STX17: variants seen among roughly 807,000 people sequenced by gnomAD.
The protein encoded by STX17 is syntaxin-17.
In STX17, 29 loss-of-function variants were observed where a neutral mutation model predicts 35.9. The observed-to-expected ratio is 0.81, with a 90% CI of 0.60 to 1.10. The LOEUF is 1.10. Ranked by LOEUF, STX17 falls within the 50% of genes least tolerant of loss-of-function variation. The pLI, the probability that STX17 is intolerant of heterozygous loss-of-function variation, is 0.00. For missense variants in STX17, 312 were observed against 352.3 expected (o/e 0.89, Z 0.92); for synonymous variants, 92 against 118.3 (o/e 0.78, Z 1.44).
In STX17 at chr9:99,970,162, G is replaced by A. The variant is rs1344713025; in HGVS notation, c.*1489G>A. 6.6e-6 allele frequency: 1 copy of A among 152,164 alleles called. No individual in the cohort carries two copies. The highest frequency in any genetic ancestry group is 1.5e-5 in the Non-Finnish European group (1 of 68,030). 9.4% of individuals were successfully genotyped at this position (152,164 alleles called of 1,614,324 possible). Reference sequence around the variant, plus strand: ...TCTGCCAGGAGCTAAGGTTCATTAGGGGATTGGATGGTTTATCACTTCTTT... The same window carrying A: ...TCTGCCAGGAGCTAAGGTTCATTAGAGGATTGGATGGTTTATCACTTCTTT... On this transcript the variant is annotated 3_prime_UTR_variant, in exon 8 of 8. Coordinates refer to ENST00000259400, the MANE Select transcript of STX17 (RefSeq NM_017919.3).
intron 1 of STX17, among the ~76,000 whole-genome samples, chr9:99,910,278 A>G (rs1315613729): frequency 1.3e-5 from 2 of 152,140 alleles, no homozygotes; most frequent in African/African-American, 2.4e-5. Context: ...AATGGCTGAT[A>G]AATCCACCCT....
chr9:99,946,514 A>G (rs1829485800), intron 3 of STX17, among the ~76,000 whole-genome samples: 1 of 152,162 alleles, frequency 6.6e-6, no homozygotes, highest in African/African-American at 2.4e-5. Flanking sequence ...CATTAGTATT[A>G]TTGTTTTAGT....
At chr9:99,909,952 G>T (rs1030825262) in intron 1 of STX17, among the ~76,000 whole-genome samples, 1 of 152,138 alleles carries the variant, frequency 6.6e-6, no homozygotes, top group African/African-American at 2.4e-5. Context: ...AAGAAATGCA[G>T]CTGGGCATGG....
At chr9:99,917,877 A>G (rs1004864303) in intron 2 of STX17, among the ~76,000 whole-genome samples, 1 of 152,202 alleles carries the variant, frequency 6.6e-6, no homozygotes, top group Non-Finnish European at 1.5e-5. Flanking sequence ...TAAATAAGAT[A>G]GAGGTTTTTG....
In STX17 at chr9:99,974,070, A is replaced by G. The variant is rs1377986417; in HGVS notation, c.*5397A>G. Among the ~76,000 whole-genome samples, 8 of 152,180 alleles carry G rather than the reference A, an allele frequency of 5.3e-5. No individual in the cohort carries two copies. Among genetic ancestry groups the G allele is most frequent in the Non-Finnish European group, 1.2e-4 (8 of 68,026 alleles). ...AGCCTAAAACTTGTATCCTGAAGAA[A>G]ATATTTTTTTCCACCAGAAGAAATT... On this transcript the variant is annotated 3_prime_UTR_variant, in exon 8 of 8. Coordinates refer to ENST00000259400, the MANE Select transcript of STX17 (RefSeq NM_017919.3).
chr9:99,959,828 G>T (rs576811375), intron 4 of STX17, 89 bp from the exon 5 acceptor site: 1 of 921,560 alleles, frequency 1.1e-6, no homozygotes, highest in Non-Finnish European at 1.7e-6. Context: ...ACCATTTAAC[G>T]TGGCATTTGT....
intron 3 of STX17, among the ~76,000 whole-genome samples, chr9:99,932,157 G>A (rs1024804782): frequency 2.0e-5 from 3 of 152,202 alleles, no homozygotes; most frequent in Admixed American, 1.3e-4. Context: ...CCCTGTACCT[G>A]GTGTTTCTGA....
At chr9:99,911,990 G>C (rs187041127) in intron 1 of STX17, among the ~76,000 whole-genome samples, 6 of 152,186 alleles carry the variant, frequency 3.9e-5, no homozygotes, top group Admixed American at 1.3e-4. Context: ...ACTTTGGGAG[G>C]CCGAGGCAGG....
intron 1 of STX17, among the ~76,000 whole-genome samples, chr9:99,911,312 C>T (rs1400039633): frequency 3.3e-5 from 5 of 152,138 alleles, no homozygotes; most frequent in Non-Finnish European, 5.9e-5. Context: ...GGATTATAGG[C>T]ATGAGCCATC....
At chr9:99,945,809 C>T (rs1031151292) in intron 3 of STX17, 10 of 344,028 alleles carry the variant, frequency 2.9e-5, no homozygotes, top group South Asian at 4.5e-5. Context: ...CGGCCGGGCG[C>T]GGTGGCTTAC....
At chr9:99,932,749 G>A (rs55947558) in intron 3 of STX17, among the ~76,000 whole-genome samples, 1 of 152,066 alleles carries the variant, frequency 6.6e-6, no homozygotes. Flanking sequence ...GTTAGATGTA[G>A]GTATTTGGTG....
chr9:99,934,477 T>C (rs778676752), intron 3 of STX17, among the ~76,000 whole-genome samples: 1 of 152,192 alleles, frequency 6.6e-6, no homozygotes, highest in Non-Finnish European at 1.5e-5. Context: ...CTGGTGACTT[T>C]TGATGTTGAA....
chr9:99,920,760 A>G (rs911301651), intron 2 of STX17, among the ~76,000 whole-genome samples: 6 of 152,270 alleles, frequency 3.9e-5, no homozygotes, highest in African/African-American at 1.4e-4. Context: ...TTTCACACAT[A>G]TCACTAAATC....
chr9:99,973,782 A>G lies in STX17; in HGVS notation c.*5109A>G, dbSNP rs1830057163. ...TTCATTTTTCTGCTGAAAGATTTTC[A>G]GTGGTTCCCACTGAATACCAAATAA... On this transcript the variant is annotated 3_prime_UTR_variant, in exon 8 of 8. Coordinates refer to ENST00000259400, the MANE Select transcript of STX17 (RefSeq NM_017919.3). 6.6e-6 allele frequency among the ~76,000 whole-genome samples: 1 copy of G among 152,174 alleles called. No homozygotes were observed. Among genetic ancestry groups the G allele is most frequent in the Admixed American group, 6.6e-5 (1 of 15,264 alleles).
chr9:99,951,638 T>C (rs546801267), intron 4 of STX17, among the ~76,000 whole-genome samples: 2 of 152,032 alleles, frequency 1.3e-5, no homozygotes, highest in African/African-American at 2.4e-5. Context: ...TGCTTTTTTT[T>C]CTTAAGCATT....
chr9:99,915,227 A>T lies in STX17; in HGVS notation c.-13A>T. 1 of 1,607,818 alleles carries T rather than the reference A, an allele frequency of 6.2e-7. No individual in the cohort carries two copies. ...CAGCTGTTACCAGGGAGGTCATACA[A>T]CATTTTTTTAGGATGTCTGAAGATG... On this transcript the variant is annotated 5_prime_UTR_variant, in exon 2 of 8. Coordinates refer to ENST00000259400, the MANE Select transcript of STX17 (RefSeq NM_017919.3).
Position 99,973,186 on chromosome 9 carries a change from T to G in STX17, c.*4513T>G, listed in dbSNP as rs1378930372. The stretch of plus-strand genomic sequence containing the variant: ...GCTACTCTCAAATAGAAATGGGAGA[T>G]AAGAAATATATCTGTGCAATATTAA... On this transcript the variant is annotated 3_prime_UTR_variant, in exon 8 of 8. Transcript: ENST00000259400. 6.7e-6 allele frequency among the ~76,000 whole-genome samples: 1 copy of G among 149,188 alleles called. No homozygotes were observed. Among genetic ancestry groups the G allele is most frequent in the African/African-American group, 2.5e-5 (1 of 40,206 alleles).
At chr9:99,945,825 TA>T in intron 3 of STX17, 1 of 304,492 alleles carries the variant, frequency 3.3e-6, no homozygotes, top group Non-Finnish European at 6.5e-6. Context: ...CTTACGCCTG[TA>T]ATCCCAGCAC....
chr9:99,923,687 C>T (rs1436158304), intron 2 of STX17, among the ~76,000 whole-genome samples: 1 of 152,176 alleles, frequency 6.6e-6, no homozygotes, highest in Non-Finnish European at 1.5e-5. Context: ...CACAAGACCA[C>T]ACCCTTCCCT....
Sources: allele counts gnomAD v4.1 joint callset (sites outside exome capture counted in the v4.1 genomes callset), GRCh38; gene constraint gnomAD v4.1.1; transcripts MANE v1.5; gene names NCBI Gene and HGNC (gene_info 2026-07-23, HGNC 2026-07-21).